The following PHLPP2 variants were observed in gnomAD, a reference collection of about 807,000 sequenced individuals.
The protein encoded by PHLPP2 is PH domain and leucine rich repeat protein phosphatase 2, also known as PH domain leucine-rich repeat-containing protein phosphatase 2.
A neutral mutation model predicts 124.9 loss-of-function variants in PHLPP2; 66 were observed. That is an observed-to-expected ratio of 0.53 (90% CI 0.43 to 0.65). The LOEUF is 0.65. Ranked by LOEUF, PHLPP2 falls within the 30% of genes least tolerant of loss-of-function variation. PHLPP2 has a pLI of 0.00. For synonymous variants in PHLPP2, 681 were observed against 624.7 expected (o/e 1.09, Z -1.34); for missense variants, 1,685 against 1,600.4 (o/e 1.05, Z -0.90).
chr16:71,648,006 T>A lies in PHLPP2; in HGVS notation c.*884A>T, dbSNP rs557222841. On this transcript the variant is annotated 3_prime_UTR_variant, in exon 19 of 19. Transcript: ENST00000568954. ...TCAAAAATAAAAAGTTCACAGTCAA[T>A]GAAAAGTGCTCTCATTACATTACAT... 3 of 152,778 alleles carry A rather than the reference T, an allele frequency of 2.0e-5. No homozygotes were observed. In the South Asian group the frequency reaches 6.2e-4, roughly 32 times the overall value. The allele number at this position is 152,778 out of a possible 1,614,324, so 9.5% of individuals were successfully genotyped here. A position where few individuals can be genotyped will look rare whatever the true frequency, so the allele number is the denominator to read the frequency against.
At chr16:71,653,361 G>A (rs914169572) in intron 17 of PHLPP2, among the ~76,000 whole-genome samples, 4 of 152,182 alleles carry the variant, frequency 2.6e-5, no homozygotes, top group Non-Finnish European at 5.9e-5. Context: ...AACAGGGACT[G>A]CTGGGCCCTA....
intron 2 of PHLPP2, among the ~76,000 whole-genome samples, chr16:71,709,166 A>C (rs1281366561): frequency 6.6e-6 from 1 of 152,172 alleles, no homozygotes; most frequent in Non-Finnish European, 1.5e-5. Flanking sequence ...ATAGCACAAA[A>C]ACATGTAGGA....
intron 5 of PHLPP2, 107 bp from the exon 6 acceptor site, chr16:71,682,012 G>A (rs1364807853): frequency 7.3e-5 from 47 of 644,128 alleles, no homozygotes; most frequent in South Asian, 2.9e-4. Flanking sequence ...AAAAAGATAG[G>A]AAAAAAAAGG....
At chr16:71,713,256 T>C (rs1056979770) in intron 2 of PHLPP2, among the ~76,000 whole-genome samples, 1 of 152,236 alleles carries the variant, frequency 6.6e-6, no homozygotes, top group Admixed American at 6.5e-5. Context: ...CTTTTAACAA[T>C]CATTTCTATT....
intron 10 of PHLPP2, among the ~76,000 whole-genome samples, chr16:71,670,176 G>A (rs571653920): frequency 6.6e-6 from 1 of 152,324 alleles, no homozygotes; most frequent in African/African-American, 2.4e-5. Flanking sequence ...AGAAACATAT[G>A]ATGTGTATGG....
intron 9 of PHLPP2, among the ~76,000 whole-genome samples, chr16:71,675,219 G>A (rs1417203988): frequency 6.6e-6 from 1 of 152,068 alleles, no homozygotes; most frequent in Non-Finnish European, 1.5e-5. Context: ...GCTTCTCCTC[G>A]CCTCTGGAAA....
chr16:71,708,097 C>G (rs12928187), intron 2 of PHLPP2, among the ~76,000 whole-genome samples: 75,048 of 151,970 alleles, frequency 0.49, 18,855 homozygotes, highest in Middle Eastern at 0.64. Context: ...TCGAAGCAGC[C>G]CTGAGAAACA....
rs2044673446 is a variant in PHLPP2 at position 71,648,971 on chromosome 16, C to T, written c.3891G>A (p.Gln1297=). The change falls in exon 19 of 19, where the codon CAG becomes CAA. Residue 1297 remains glutamine (Q), a synonymous_variant. Transcript: ENST00000568954. ...LEEEVKEQMK[Q]HQDSRLEPEP... ...CAGGCTCGAGCCGGCTGTCCTGGTG[C>T]TGTTTCATTTGTTCCTTCACTTCTT... 5 of 1,614,074 alleles carry T rather than the reference C, an allele frequency of 3.1e-6. No homozygotes were observed. Among genetic ancestry groups the T allele is most frequent in the East Asian group, 2.2e-5 (1 of 44,858 alleles).
chr16:71,709,161 A>C (rs1347336767), intron 2 of PHLPP2, among the ~76,000 whole-genome samples: 1 of 152,218 alleles, frequency 6.6e-6, no homozygotes, highest in African/African-American at 2.4e-5. Flanking sequence ...TTTAAATAGC[A>C]CAAAAACATG....
At chr16:71,680,462 T>C (rs2044986722) in intron 6 of PHLPP2, among the ~76,000 whole-genome samples, 2 of 152,242 alleles carry the variant, frequency 1.3e-5, no homozygotes, top group African/African-American at 2.4e-5. Flanking sequence ...AGTATCTATA[T>C]TGTCTTACCC....
chr16:71,710,613 T>A (rs1267198818), intron 2 of PHLPP2, among the ~76,000 whole-genome samples: 1 of 152,226 alleles, frequency 6.6e-6, no homozygotes, highest in Non-Finnish European at 1.5e-5. Context: ...AGTACTTTAT[T>A]GCTATCTGAA....
At chr16:71,704,060 C>T (rs958757660) in intron 2 of PHLPP2, among the ~76,000 whole-genome samples, 7 of 152,118 alleles carry the variant, frequency 4.6e-5, no homozygotes, top group Admixed American at 1.3e-4. Flanking sequence ...CAGTGGCTCA[C>T]GCCTGTAATC....
chr16:71,717,099 T>C (rs2045368089), intron 1 of PHLPP2, among the ~76,000 whole-genome samples: 1 of 152,194 alleles, frequency 6.6e-6, no homozygotes, highest in South Asian at 2.1e-4. Context: ...GGGGGAAAAT[T>C]CCCATTTCTA....
rs931046392 is a variant in PHLPP2 at position 71,709,406 on chromosome 16, C to G, written c.284+5106G>C. ...AGATAGCTACTGACTATTTAGAAAT[C>G]TTAGTTTCTCTTCTCATCTGGTTAA... On this transcript the variant is annotated intron_variant, in intron 2 of 18. Transcript: ENST00000568954. 2.6e-5 allele frequency among the ~76,000 whole-genome samples: 4 copies of G among 152,038 alleles called. No individual in the cohort carries two copies. In the East Asian group the frequency reaches 7.7e-4, roughly 29 times the overall value.
chr16:71,710,665 T>C (rs1462618747), intron 2 of PHLPP2, among the ~76,000 whole-genome samples: 1 of 152,256 alleles, frequency 6.6e-6, no homozygotes, highest in Non-Finnish European at 1.5e-5. Context: ...ATGTACATTC[T>C]CAGGCTCCAC....
chr16:71,694,066 C>A (rs1367314055), intron 3 of PHLPP2, among the ~76,000 whole-genome samples: 1 of 152,036 alleles, frequency 6.6e-6, no homozygotes, highest in Non-Finnish European at 1.5e-5. Context: ...TGGTAGCAGG[C>A]ACCTGTAATC....
intron 8 of PHLPP2, chr16:71,678,361 T>A (rs1163417808): frequency 5.4e-6 from 1 of 183,930 alleles, no homozygotes; most frequent in African/African-American, 2.4e-5. Flanking sequence ...CCTAAAGTTA[T>A]GGGCCAGGTG....
intron 2 of PHLPP2, 85 bp downstream of exon 2, chr16:71,714,427 T>C (rs2045344225): frequency 2.1e-6 from 3 of 1,433,302 alleles, no homozygotes. Flanking sequence ...TCCGGCAGAA[T>C]TAAAATCCTA....
At chr16:71,694,656 G>A (rs1805156060) in intron 3 of PHLPP2, among the ~76,000 whole-genome samples, 1 of 151,632 alleles carries the variant, frequency 6.6e-6, no homozygotes, top group Admixed American at 6.6e-5. Flanking sequence ...AAGAGAAACA[G>A]AAACATGTAC....
Sources: allele counts gnomAD v4.1 joint callset (sites outside exome capture counted in the v4.1 genomes callset), GRCh38; gene constraint gnomAD v4.1.1; transcripts MANE v1.5; gene names NCBI Gene and HGNC (gene_info 2026-07-23, HGNC 2026-07-21).